The following WDR35 variants were observed in gnomAD, a reference collection of about 807,000 sequenced individuals.
WDR35 encodes the protein WD repeat domain 35, also known as WD repeat-containing protein 35.
A neutral mutation model predicts 158.3 loss-of-function variants in WDR35; 118 were observed. The ratio of observed to expected loss-of-function variants is 0.75; its 90% CI spans 0.64 to 0.87. The LOEUF (loss-of-function observed/expected upper bound fraction) is 0.87. Ranked by LOEUF, WDR35 falls within the 40% of genes least tolerant of loss-of-function variation. WDR35 has a pLI of 0.00. For missense variants in WDR35, 1,263 were observed against 1,405.8 expected (o/e 0.90, Z 1.62); for synonymous variants, 448 against 476.1 (o/e 0.94, Z 0.77).
intron 10 of WDR35, among the ~76,000 whole-genome samples, chr2:19,964,266 C>G (rs1671762998): frequency 6.6e-6 from 1 of 152,002 alleles, no homozygotes; most frequent in South Asian, 2.1e-4. Flanking sequence ...CTAGGCACTT[C>G]CAATCCAGAA....
At chr2:19,967,877 A>G (rs762684824) in intron 9 of WDR35, among the ~76,000 whole-genome samples, 2 of 152,142 alleles carry the variant, frequency 1.3e-5, no homozygotes, top group Non-Finnish European at 2.9e-5. Flanking sequence ...CTATATTACT[A>G]TTACTATTAA....
At chr2:19,918,048 C>A (rs2103382757) in intron 25 of WDR35, among the ~76,000 whole-genome samples, 1 of 152,314 alleles carries the variant, frequency 6.6e-6, no homozygotes, top group South Asian at 2.1e-4. Flanking sequence ...GATCTCTCGG[C>A]AGAAACCCTA....
chr2:19,951,783 C>T, intron 12 of WDR35: 1 of 245,880 alleles, frequency 4.1e-6, no homozygotes, highest in Non-Finnish European at 7.8e-6. Context: ...ACCTTACCCT[C>T]CACTTGAACA....
chr2:19,959,165 T>G (rs1401853543), intron 11 of WDR35, among the ~76,000 whole-genome samples: 1 of 151,996 alleles, frequency 6.6e-6, no homozygotes, highest in Non-Finnish European at 1.5e-5. Flanking sequence ...AAAAAAGTTT[T>G]GAGACTCAAA....
chr2:19,935,525 A>G lies in WDR35; in HGVS notation c.2493T>C (p.Tyr831=). The G allele has an allele frequency of 6.2e-7, 1 of 1,613,280 alleles. No individual in the cohort carries two copies. The highest frequency in any genetic ancestry group is 2.2e-5 in the East Asian group (1 of 44,768). Residue 831 remains tyrosine (Y), a synonymous_variant, in exon 21 of 27, where the codon TAT becomes TAC. Coordinates refer to ENST00000281405, the MANE Select transcript of WDR35 (RefSeq NM_020779.4). The stretch of plus-strand genomic sequence containing the variant: ...AAATGGCAAGGTTCTCTAACCCTTC[A>G]TAATCCTCTAACATATAGTAACATT... ...LAECYYMLED[Y]EGLENLAISL...
intron 8 of WDR35, among the ~76,000 whole-genome samples, chr2:19,972,033 C>T (rs192716698): frequency 7.2e-5 from 11 of 152,266 alleles, no homozygotes; most frequent in African/African-American, 2.6e-4. Flanking sequence ...GACTACAAAC[C>T]CTATGCTCTG....
chr2:19,947,374 C>T (rs1267850888), intron 14 of WDR35, among the ~76,000 whole-genome samples: 4 of 151,876 alleles, frequency 2.6e-5, no homozygotes, highest in Non-Finnish European at 5.9e-5. Context: ...AAGATTTTTC[C>T]CCCCATAAAA....
chr2:19,943,839 A>G (rs1670952012), intron 16 of WDR35, among the ~76,000 whole-genome samples: 1 of 152,098 alleles, frequency 6.6e-6, no homozygotes, highest in Admixed American at 6.6e-5. Flanking sequence ...TTATCAGTGA[A>G]TTAAAACTTT....
chr2:19,920,091 G>A (rs1572309702), intron 25 of WDR35, among the ~76,000 whole-genome samples: 1 of 152,098 alleles, frequency 6.6e-6, no homozygotes, highest in African/African-American at 2.4e-5. Context: ...GCAATTCATA[G>A]CCCACCAACC....
chr2:19,963,370 G>C (rs373729024), intron 10 of WDR35, among the ~76,000 whole-genome samples: 9 of 133,578 alleles, frequency 6.7e-5, no homozygotes, highest in African/African-American at 2.0e-4. Context: ...GTCGATAATT[G>C]TATTTTTTCT....
chr2:19,924,872 G>C (rs1220326776), intron 25 of WDR35, among the ~76,000 whole-genome samples: 1 of 152,172 alleles, frequency 6.6e-6, no homozygotes, highest in Non-Finnish European at 1.5e-5. Flanking sequence ...CAGGCCACCA[G>C]ATAGCTGAAA....
At chr2:19,921,260 G>C (rs11677902) in intron 25 of WDR35, among the ~76,000 whole-genome samples, 33,244 of 152,060 alleles carry the variant, frequency 0.22, 3,995 homozygotes, top group Non-Finnish European at 0.25. Flanking sequence ...AAAAGAGCCC[G>C]CATAGCCAAC....
chr2:19,987,258 T>C (rs1672597196), intron 2 of WDR35, among the ~76,000 whole-genome samples: 1 of 152,228 alleles, frequency 6.6e-6, no homozygotes, highest in Non-Finnish European at 1.5e-5. Context: ...GAATCAACAC[T>C]AGTTGTATTA....
intron 15 of WDR35, 34 bp downstream of exon 15, chr2:19,946,427 C>G: frequency 6.5e-7 from 1 of 1,537,382 alleles, no homozygotes; most frequent in Non-Finnish European, 9.0e-7. Flanking sequence ...ATTTCTAAGT[C>G]TAACATCTAC....
intron 21 of WDR35, among the ~76,000 whole-genome samples, chr2:19,933,729 G>C (rs1461767814): frequency 6.6e-6 from 1 of 152,126 alleles, no homozygotes; most frequent in African/African-American, 2.4e-5. Context: ...CTGTGGATCT[G>C]ATTTTTAACG....
intron 12 of WDR35, among the ~76,000 whole-genome samples, chr2:19,953,231 A>G (rs1671307294): frequency 6.6e-6 from 1 of 152,210 alleles, no homozygotes; most frequent in Non-Finnish European, 1.5e-5. Flanking sequence ...ATGCTTCTTC[A>G]CTTACAGACT....
At chr2:19,973,797 T>C (rs1242741607) in intron 7 of WDR35, 89 bp from the exon 8 acceptor site, 1 of 1,520,404 alleles carries the variant, frequency 6.6e-7, no homozygotes, top group African/African-American at 1.4e-5. Flanking sequence ...TAAACATTTT[T>C]AAAACTTTCC....
intron 25 of WDR35, among the ~76,000 whole-genome samples, chr2:19,929,447 G>A (rs927986288): frequency 3.9e-5 from 6 of 152,168 alleles, no homozygotes; most frequent in African/African-American, 1.4e-4. Flanking sequence ...GAAGGGTGGG[G>A]TGTCATGACA....
At chr2:19,964,381 C>CTTTTTTTTTTTT (rs558586617) in intron 10 of WDR35, among the ~76,000 whole-genome samples, 56 of 113,418 alleles carry the variant, frequency 4.9e-4, no homozygotes, top group East Asian at 7.3e-4. Context: ...CTTTTCTTTT[C>CTTTTTTTTTTTT]TTTTTTTTTT....
Sources: gnomAD v4.1 joint callset for allele counts (sites outside exome capture counted in the v4.1 genomes callset) on GRCh38, gnomAD v4.1.1 for gene constraint, MANE v1.5 for transcripts, NCBI Gene and HGNC (gene_info 2026-07-23, HGNC 2026-07-21) for gene names.